Variants in RBPMS observed in about 807,000 individuals in gnomAD.
RBPMS encodes RNA binding protein, mRNA processing factor.
A neutral mutation model predicts 26.8 loss-of-function variants in RBPMS; 7 were observed. That is an observed-to-expected ratio of 0.26 (90% CI 0.15 to 0.49). The LOEUF is 0.49. Ranked by LOEUF, RBPMS falls within the 20% of genes least tolerant of loss-of-function variation. The pLI, the probability that RBPMS is intolerant of heterozygous loss-of-function variation, is 0.98. For synonymous variants in RBPMS, 96 were observed against 93.3 expected, an observed-to-expected ratio of 1.03 and a Z score of -0.17; for missense variants, 186 against 250.0, an observed-to-expected ratio of 0.74 and a Z score of 1.73.
At chr8:30,556,388 G>A (rs759929306) in intron 6 of RBPMS, 6 of 985,644 alleles carry the variant, frequency 6.1e-6, no homozygotes, top group East Asian at 1.1e-4. Context: ...GAGTGAGAAC[G>A]TGAGGGCTGT....
At position 30,562,647 on chromosome 8, in the gene RBPMS, T is replaced by C. The variant is rs539054681; in HGVS notation, c.*8-3610T>C. Among the ~76,000 whole-genome samples the C allele has an allele frequency of 2.0e-5, 3 of 152,278 alleles. No homozygotes were observed. In the South Asian group the frequency reaches 6.2e-4, roughly 32 times the overall value. ...TTAGAATTGGAAACAGTGGTGCTGA[T>C]GAGCTAATATAAACATTTTTAAACC... On this transcript the variant is annotated intron_variant, in intron 7 of 8. Transcript: ENST00000397323.
At chr8:30,439,248 C>T (rs1812807194) in intron 1 of RBPMS, among the ~76,000 whole-genome samples, 3 of 152,168 alleles carry the variant, frequency 2.0e-5, no homozygotes, top group Admixed American at 2.0e-4. Flanking sequence ...GCTCTCCGTA[C>T]ATTTCATAGT....
At chr8:30,456,784 G>T (rs1815269547) in intron 1 of RBPMS, among the ~76,000 whole-genome samples, 1 of 152,186 alleles carries the variant, frequency 6.6e-6, no homozygotes, top group Non-Finnish European at 1.5e-5. Flanking sequence ...AGCTGGGCAT[G>T]GTGGCGTGCG....
intron 1 of RBPMS, among the ~76,000 whole-genome samples, chr8:30,414,764 G>A (rs1809865679): frequency 6.6e-6 from 1 of 152,102 alleles, no homozygotes; most frequent in South Asian, 2.1e-4. Flanking sequence ...AAAGTATGAG[G>A]AAGGAAACAA....
intron 6 of RBPMS, chr8:30,544,831 T>G: frequency 6.5e-7 from 1 of 1,535,882 alleles, no homozygotes; most frequent in Non-Finnish European, 8.7e-7. Flanking sequence ...CTGCCTGATG[T>G]TTGCCCCAAA....
chr8:30,507,035 T>G (rs1821143964), intron 5 of RBPMS, among the ~76,000 whole-genome samples: 1 of 152,126 alleles, frequency 6.6e-6, no homozygotes, highest in South Asian at 2.1e-4. Flanking sequence ...TTCTGCAGCT[T>G]AGTTGAGATT....
chr8:30,465,762 G>A (rs1018140961), intron 1 of RBPMS, among the ~76,000 whole-genome samples: 4 of 152,188 alleles, frequency 2.6e-5, no homozygotes, highest in Non-Finnish European at 5.9e-5. Context: ...GCACTCCAGC[G>A]TGGGTGACAA....
intron 1 of RBPMS, among the ~76,000 whole-genome samples, chr8:30,462,647 C>G (rs1301374672): frequency 6.6e-6 from 1 of 152,044 alleles, no homozygotes; most frequent in Non-Finnish European, 1.5e-5. Context: ...AGGCTGGTCT[C>G]GAACTCCTGA....
intron 5 of RBPMS, among the ~76,000 whole-genome samples, chr8:30,508,501 C>CT (rs986807993): frequency 6.6e-6 from 1 of 152,182 alleles, no homozygotes; most frequent in Non-Finnish European, 1.5e-5. Flanking sequence ...TACGCAGTGA[C>CT]TGTTAGTGTG....
Position 30,410,993 on chromosome 8 carries a change from C to G in RBPMS, c.66+25835C>G, listed in dbSNP as rs145961278. Reference sequence around the variant, plus strand: ...GGGCTCTAGTGATCATCTGCCTTGGCCTTTCAAGACGCTGGGATTACAGGT... The same window carrying G: ...GGGCTCTAGTGATCATCTGCCTTGGGCTTTCAAGACGCTGGGATTACAGGT... On this transcript the variant is annotated intron_variant, in intron 1 of 8. Coordinates refer to ENST00000397323, the MANE Select transcript of RBPMS (RefSeq NM_001008710.3). Among the ~76,000 whole-genome samples the G allele has an allele frequency of 5.3e-3, 801 of 152,176 alleles. 5 individuals are homozygous for G. The highest frequency in any genetic ancestry group is 0.041 in the Middle Eastern group (12 of 294).
chr8:30,500,391 T>C (rs1820435428), intron 4 of RBPMS, among the ~76,000 whole-genome samples: 2 of 151,904 alleles, frequency 1.3e-5, no homozygotes, highest in Admixed American at 1.3e-4. Context: ...TTTCTCAATA[T>C]GTATATATAG....
At chr8:30,450,848 A>AAAATAAAG (rs1321450801) in intron 1 of RBPMS, among the ~76,000 whole-genome samples, 1 of 151,018 alleles carries the variant, frequency 6.6e-6, no homozygotes, top group Non-Finnish European at 1.5e-5. Context: ...CTTTCATTTA[A>AAAATAAAG]AAATAAAGAA....
At chr8:30,393,347 GCA>G (rs1808013280) in intron 1 of RBPMS, among the ~76,000 whole-genome samples, 1 of 151,728 alleles carries the variant, frequency 6.6e-6, no homozygotes, top group Non-Finnish European at 1.5e-5. Flanking sequence ...TGCCAACCCT[GCA>G]CCTAAAAGGA....
At chr8:30,495,946 G>T (rs1001167546) in intron 4 of RBPMS, among the ~76,000 whole-genome samples, 1 of 152,168 alleles carries the variant, frequency 6.6e-6, no homozygotes, top group Non-Finnish European at 1.5e-5. Flanking sequence ...TTAAAAATTG[G>T]ATTGTGATAT....
At chr8:30,519,353 CTT>C (rs1273235771) in intron 5 of RBPMS, among the ~76,000 whole-genome samples, 1 of 151,414 alleles carries the variant, frequency 6.6e-6, no homozygotes, top group East Asian at 1.9e-4. Flanking sequence ...CCTCAGTTGT[CTT>C]TTTACAATTG....
At chr8:30,446,500 G>A (rs1375502981) in intron 1 of RBPMS, among the ~76,000 whole-genome samples, 1 of 152,202 alleles carries the variant, frequency 6.6e-6, no homozygotes, top group Non-Finnish European at 1.5e-5. Context: ...ATCCCTAATA[G>A]TGCGTGTATG....
chr8:30,386,398 A>G (rs1183379543), intron 1 of RBPMS, among the ~76,000 whole-genome samples: 3 of 152,258 alleles, frequency 2.0e-5, no homozygotes, highest in Admixed American at 6.5e-5. Context: ...ATGCAAAATA[A>G]ATAGGAGATT....
rs113955301 is a variant in RBPMS, at chr8:30,454,977, C to G, written c.67-19802C>G. Among the ~76,000 whole-genome samples the G allele has an allele frequency of 7.2e-3, 1,095 of 152,316 alleles. 9 individuals carry two copies. Among genetic ancestry groups the G allele is most frequent in the African/African-American group, 0.024 (1,006 of 41,556 alleles). On this transcript the variant is annotated intron_variant, in intron 1 of 8. Transcript: ENST00000397323. ...AGCTGGGATTACAGGCACCCGCCAT[C>G]ACACCCGGCTAATTTTTGTATTTTT...
At chr8:30,410,456 C>G (rs995053582) in intron 1 of RBPMS, among the ~76,000 whole-genome samples, 2 of 152,062 alleles carry the variant, frequency 1.3e-5, no homozygotes, top group African/African-American at 4.8e-5. Context: ...CATCTGCCCC[C>G]CTCGGCCTCC....
Sources: gnomAD v4.1 joint callset for allele counts (sites outside exome capture counted in the v4.1 genomes callset) on GRCh38, gnomAD v4.1.1 for gene constraint, MANE v1.5 for transcripts, NCBI Gene and HGNC (gene_info 2026-07-23, HGNC 2026-07-21) for gene names.